PHLDB3: variants seen among roughly 807,000 people sequenced by gnomAD.
The protein encoded by PHLDB3 is pleckstrin homology-like domain family B member 3.
PHLDB3 carries 86 observed loss-of-function variants against 85.7 expected under a neutral mutation model. That is an observed-to-expected ratio of 1.00 (90% CI 0.84 to 1.20). The LOEUF (loss-of-function observed/expected upper bound fraction) is 1.20. PHLDB3 is among the 50% of genes most tolerant of loss of function. The probability of loss-of-function intolerance (pLI) is 0.00; values close to 1 mark genes in which losing one functional copy is unlikely to be tolerated. For missense variants in PHLDB3, 995 were observed against 873.0 expected (o/e 1.14, Z -1.76); for synonymous variants, 376 against 349.8 (o/e 1.07, Z -0.83).
At chr19:43,490,672 C>T (rs1249887591) in intron 9 of PHLDB3, among the ~76,000 whole-genome samples, 2 of 152,186 alleles carry the variant, frequency 1.3e-5, no homozygotes, top group African/African-American at 4.8e-5. Flanking sequence ...TTCCTTCCTT[C>T]CAGCCACATT....
At chr19:43,491,758 C>T (rs991933503) in intron 9 of PHLDB3, among the ~76,000 whole-genome samples, 1 of 151,296 alleles carries the variant, frequency 6.6e-6, no homozygotes, top group Non-Finnish European at 1.5e-5. Flanking sequence ...CCTCCGCCTC[C>T]CAGGTTCAAG....
chr19:43,492,628 A>G (rs1288756698), intron 9 of PHLDB3, among the ~76,000 whole-genome samples: 2 of 144,998 alleles, frequency 1.4e-5, no homozygotes, highest in Admixed American at 1.4e-4. Context: ...CTATCTCAAA[A>G]AAAAAAAAAA....
chr19:43,495,833 G>A (rs1235819562), intron 6 of PHLDB3: 2 of 596,632 alleles, frequency 3.4e-6, no homozygotes. Context: ...AAGAGAAAGG[G>A]ATGGACAGAG....
In PHLDB3 at chr19:43,486,694, C is replaced by T; in HGVS notation, c.1343G>A (p.Cys448Tyr). The T allele has an allele frequency of 6.2e-7, 1 of 1,613,954 alleles. No homozygotes were observed. Among genetic ancestry groups the T allele is most frequent in the Non-Finnish European group, 8.5e-7 (1 of 1,179,856 alleles). ...GGCAATGTCTGGATGGATGGCCCCA[C>T]AGCTAGGAGGAGGGAACACAGACGG... Reference protein sequence around the residue: ...QLLNCGRGNSCGAIHPDIAHM... With the variant: ...QLLNCGRGNSYGAIHPDIAHM... Residue 448 changes from cysteine (C) to tyrosine (Y), a missense_variant and splice_region_variant, in exon 12 of 16, where the codon TGT becomes TAT. Transcript: ENST00000292140.
intron 6 of PHLDB3, 26 bp downstream of exon 6, chr19:43,497,092 G>A (rs755395679): frequency 1.4e-6 from 2 of 1,429,100 alleles, no homozygotes; most frequent in Non-Finnish European, 1.8e-6. Context: ...CAGCAAGGGG[G>A]GCAGCGCTGG....
At chr19:43,501,384 C>A in intron 4 of PHLDB3, 2 of 259,270 alleles carry the variant, frequency 7.7e-6, no homozygotes, top group Non-Finnish European at 1.5e-5. Context: ...GGGGTTTCGC[C>A]ATGTTGCCCA....
chr19:43,484,044 G>T (rs1164437981), intron 13 of PHLDB3, among the ~76,000 whole-genome samples: 1 of 152,016 alleles, frequency 6.6e-6, no homozygotes, highest in Non-Finnish European at 1.5e-5. Context: ...CTGAGGTCAG[G>T]AGTTCAAAAC....
rs780882753 is a variant in PHLDB3, at chr19:43,504,102, C to A, written c.17G>T (p.Ser6Ile). The stretch of plus-strand genomic sequence containing the variant: ...CGGCGGCGGGGTCCCCTCCTCGGGG[C>A]TGCTTCGCGTCCCCATGGCCGCTGG... MGTRS[S>I]PEEGTPPPLV... is the part of the protein sequence containing the mutation. The change falls in exon 2 of 16, where the codon AGC (serine) becomes ATC (isoleucine). Residue 6 changes from serine (S) to isoleucine (I), a missense_variant. Physicochemically the swap from Ser to Ile is moderately radical, Grantham distance 142 (BLOSUM62 -2). Transcript: ENST00000292140. 1 of 1,603,298 alleles carries A rather than the reference C, an allele frequency of 6.2e-7. No individual in the cohort carries two copies. The highest frequency in any genetic ancestry group is 2.3e-5 in the East Asian group (1 of 44,290).
In PHLDB3 at chr19:43,504,337, G is replaced by C. The variant is rs12981023; in HGVS notation, c.-14-205C>G. ...TCCAAGGCGACACGCCACCGGAGAC[G>C]GGACCGGAATTTGAGTCCGGGTCGT... On this transcript the variant is annotated intron_variant, in intron 1 of 15. Transcript: ENST00000292140. The C allele has an allele frequency of 6.7e-6, 4 of 594,756 alleles. 1 individual carries two copies. The allele number at this position is 594,756 out of a possible 1,614,324, so 36.8% of individuals were successfully genotyped here. A position where few individuals can be genotyped will look rare whatever the true frequency, so the allele number is the denominator to read the frequency against.
At chr19:43,489,169 T>A (rs1236796914) in intron 9 of PHLDB3, among the ~76,000 whole-genome samples, 2 of 151,236 alleles carry the variant, frequency 1.3e-5, no homozygotes, top group East Asian at 3.9e-4. Context: ...GAACATAATA[T>A]CCAAAAAAGA....
rs769657783 is a variant in PHLDB3, at chr19:43,487,108, G to A, written c.1165C>T (p.Gln389Ter). ...HSSLQGSIGLQRTGSLPRKRG... is the reference protein window; with the variant it reads ...HSSLQGSIGL ...TTCCGGGGCAGGCTCCCAGTCCTCT[G>A]GAGGCCAATGGAGCCCTGAAAACAC... Residue 389 changes from glutamine to a stop codon, truncating the protein, a stop_gained, in exon 10 of 16, where the codon CAG (glutamine) becomes TAG (stop). Transcript: ENST00000292140. LOFTEE classifies it high-confidence loss of function. 5.8e-6 allele frequency: 9 copies of A among 1,561,556 alleles called. No homozygotes were observed. Among genetic ancestry groups the A allele is most frequent in the Non-Finnish European group, 7.8e-6 (9 of 1,152,362 alleles).
intron 10 of PHLDB3, 56 bp from the exon 11 acceptor site, chr19:43,486,926 C>A: frequency 6.7e-7 from 1 of 1,483,090 alleles, no homozygotes; most frequent in South Asian, 1.4e-5. Context: ...TGAGCCTATC[C>A]ACTTCTCCCC....
At chr19:43,502,019 AC>A (rs1971615203) in intron 3 of PHLDB3, 81 bp downstream of exon 3, 2 of 1,509,924 alleles carry the variant, frequency 1.3e-6, no homozygotes, top group African/African-American at 1.4e-5. Flanking sequence ...ATCTGATCCC[AC>A]CCGAGGAAAA....
chr19:43,503,795 G>C, intron 2 of PHLDB3, 111 bp downstream of exon 2: 1 of 1,266,568 alleles, frequency 7.9e-7, no homozygotes, highest in South Asian at 1.4e-5. Context: ...CTCTCTCCCT[G>C]TCTCCGGGTC....
At position 43,475,387 on chromosome 19, in the gene PHLDB3, T is replaced by TC; in HGVS notation, c.*22dup. On this transcript the variant is annotated 3_prime_UTR_variant, in exon 16 of 16. Transcript: ENST00000292140. ...GCGCCGGCGGAGCCTCGAAGGGACT[T>TC]CCCCCCAAGAGGGCGGGGCCACTCA... 6.2e-7 allele frequency: 1 copy of TC among 1,609,954 alleles called. No individual in the cohort carries two copies. The highest frequency in any genetic ancestry group is 8.5e-7 in the Non-Finnish European group (1 of 1,177,276).
chr19:43,488,095 A>C (rs1971225324), intron 9 of PHLDB3, among the ~76,000 whole-genome samples: 2 of 151,734 alleles, frequency 1.3e-5, no homozygotes, highest in Admixed American at 1.3e-4. Context: ...CAAAGGTTCC[A>C]GTGAGCCGAG....
chr19:43,487,054 A>T lies in PHLDB3; in HGVS notation c.1219T>A (p.Ser407Thr). 2 of 1,570,736 alleles carry T rather than the reference A, an allele frequency of 1.3e-6. No homozygotes were observed. Among genetic ancestry groups the T allele is most frequent in the Non-Finnish European group, 1.7e-6 (2 of 1,160,366 alleles). ...CAATGGAAGGACAGAGGTCGGGGGG[A>T]TCCTCTCTGGCTCCCCCTCTCCCCC... ...KRGERGSQRG[S>T]PRPLSFHCTE... Residue 407 changes from serine to threonine, a missense_variant, in exon 10 of 16, where the codon TCC (serine) becomes ACC (threonine). Coordinates refer to ENST00000292140, the MANE Select transcript of PHLDB3 (RefSeq NM_198850.4).
At chr19:43,487,591 A>AAAAAAAC (rs1167897767) in intron 9 of PHLDB3, among the ~76,000 whole-genome samples, 2 of 115,766 alleles carry the variant, frequency 1.7e-5, no homozygotes, top group African/African-American at 3.1e-5. Flanking sequence ...AAAAAAAAAA[A>AAAAAAAC]ACACAGAAAA....
chr19:43,494,759 G>C lies in PHLDB3; in HGVS notation c.1092C>G (p.Ala364=), dbSNP rs1335707644. ...AAGAAGTAGGGGTGGCAGCGGAGTG[G>C]GCCACGGCATCCTGGAGCACCAGCA... ...RQLLVLQDAV[A]HSAATPTSSC... is the part of the protein sequence containing the mutation. Residue 364 remains alanine, a synonymous_variant, in exon 9 of 16, where the codon GCC becomes GCG. Transcript: ENST00000292140. 3 of 1,613,438 alleles carry C rather than the reference G, an allele frequency of 1.9e-6. No individual in the cohort carries two copies. In the Admixed American group the frequency reaches 5.0e-5, roughly 27 times the overall value.
Sources: gnomAD v4.1 joint callset for allele counts (sites outside exome capture counted in the v4.1 genomes callset) on GRCh38, gnomAD v4.1.1 for gene constraint, MANE v1.5 for transcripts, NCBI Gene and HGNC (gene_info 2026-07-23, HGNC 2026-07-21) for gene names.